Variants in NOVA1 observed in about 807,000 individuals in gnomAD.
The protein encoded by NOVA1 is RNA-binding protein Nova-1.
In NOVA1, 7 loss-of-function variants were observed where a neutral mutation model predicts 38.0. That is an observed-to-expected ratio of 0.18 (90% CI 0.10 to 0.35). The LOEUF is 0.35. Among genes scored for constraint, NOVA1 ranks in the 10% least tolerant of loss-of-function variants. The probability of loss-of-function intolerance (pLI) is 1.00; values close to 1 mark genes in which losing one functional copy is unlikely to be tolerated. For synonymous variants in NOVA1, 270 were observed against 232.5 expected, an observed-to-expected ratio of 1.16 and a Z score of -1.47; for missense variants, 460 against 616.0, an observed-to-expected ratio of 0.75 and a Z score of 2.68.
chr14:26,530,684 T>A (rs1382945767), intron 2 of NOVA1, among the ~76,000 whole-genome samples: 2 of 152,162 alleles, frequency 1.3e-5, no homozygotes, highest in African/African-American at 4.8e-5. Context: ...CTAAAAACAC[T>A]GCTTCCTATT....
At chr14:26,461,787 T>A (rs866692931) in intron 4 of NOVA1, among the ~76,000 whole-genome samples, 1,279 of 87,238 alleles carry the variant, frequency 0.015, 13 homozygotes, top group Middle Eastern at 0.069. Flanking sequence ...AAAAAAAAAA[T>A]TTGCCAGGCA....
At chr14:26,570,685 C>T (rs2138718945) in intron 2 of NOVA1, among the ~76,000 whole-genome samples, 1 of 152,176 alleles carries the variant, frequency 6.6e-6, no homozygotes, top group South Asian at 2.1e-4. Flanking sequence ...GTTCCTAAAA[C>T]AACACATAAA....
chr14:26,454,789 G>T (rs1053255413), intron 4 of NOVA1, among the ~76,000 whole-genome samples: 1 of 152,060 alleles, frequency 6.6e-6, no homozygotes. Context: ...AAGACATGTA[G>T]ATTAATTTAC....
chr14:26,507,621 T>C (rs1488609316), intron 2 of NOVA1, among the ~76,000 whole-genome samples: 6 of 152,178 alleles, frequency 3.9e-5, no homozygotes, highest in Non-Finnish European at 8.8e-5. Context: ...GTTTACTTCA[T>C]ATAAAATCAC....
chr14:26,577,331 G>C (rs926504324), intron 2 of NOVA1, among the ~76,000 whole-genome samples: 1 of 151,798 alleles, frequency 6.6e-6, no homozygotes, highest in Admixed American at 6.6e-5. Flanking sequence ...TTTCCTACAG[G>C]GTTCCCTATA....
intron 2 of NOVA1, among the ~76,000 whole-genome samples, chr14:26,494,578 C>T (rs1178678184): frequency 1.3e-5 from 2 of 152,124 alleles, no homozygotes; most frequent in South Asian, 2.1e-4. Flanking sequence ...TTTACCTTTC[C>T]TTTTCATGTA....
intron 2 of NOVA1, among the ~76,000 whole-genome samples, chr14:26,585,385 TA>T (rs1285166637): frequency 6.6e-6 from 1 of 151,328 alleles, no homozygotes; most frequent in African/African-American, 2.4e-5. Context: ...ATTAGAAAAG[TA>T]AATTGTCCAG....
intron 2 of NOVA1, among the ~76,000 whole-genome samples, chr14:26,588,634 A>G (rs1893671725): frequency 6.6e-6 from 1 of 151,568 alleles, no homozygotes; most frequent in African/African-American, 2.4e-5. Context: ...TTTACTTTGC[A>G]GTCTTAAAAT....
chr14:26,516,907 T>TTC (rs1555324558), intron 2 of NOVA1, among the ~76,000 whole-genome samples: 1 of 1,806 alleles, frequency 5.5e-4, no homozygotes, highest in Non-Finnish European at 4.0e-3. Context: ...ACTTTGCCTC[T>TTC]TTTTTTTTTT....
intron 2 of NOVA1, among the ~76,000 whole-genome samples, chr14:26,552,698 T>C (rs559096692): frequency 2.6e-4 from 40 of 152,248 alleles, no homozygotes; most frequent in African/African-American, 9.6e-4. Flanking sequence ...ATGTAAGTGA[T>C]ATAACTAACT....
intron 2 of NOVA1, chr14:26,588,281 T>C (rs1316880616): frequency 6.6e-6 from 1 of 151,046 alleles, no homozygotes; most frequent in Non-Finnish European, 1.5e-5. Context: ...CAGTAAGACA[T>C]AAAATAGGTC....
At chr14:26,584,581 C>T (rs568914074) in intron 2 of NOVA1, among the ~76,000 whole-genome samples, 1 of 151,238 alleles carries the variant, frequency 6.6e-6, no homozygotes, top group Admixed American at 6.6e-5. Flanking sequence ...TGCCTCCTAC[C>T]ACCACTGACC....
intron 2 of NOVA1, among the ~76,000 whole-genome samples, chr14:26,508,824 A>G (rs1887838763): frequency 6.6e-6 from 1 of 151,924 alleles, no homozygotes; most frequent in Non-Finnish European, 1.5e-5. Context: ...AAAAATCTTT[A>G]TATTTTAAAA....
rs542893210 is a variant in NOVA1, at chr14:26,461,683, C to T, written c.519+10637G>A. Among the ~76,000 whole-genome samples, 4 of 150,336 alleles carry T rather than the reference C, an allele frequency of 2.7e-5. No homozygotes were observed. The South Asian group carries it at 8.4e-4, about 32-fold the overall frequency. On this transcript the variant is annotated intron_variant, in intron 4 of 4. Coordinates refer to ENST00000539517, the MANE Select transcript of NOVA1 (RefSeq NM_002515.3). ...GTGGCTCATGCCTGTAATCCGAGCA[C>T]TTTGGGAGGCTGAGGCGGGCAGATC...
intron 2 of NOVA1, among the ~76,000 whole-genome samples, chr14:26,486,014 T>C (rs576420208): frequency 1.5e-4 from 23 of 152,116 alleles, no homozygotes; most frequent in African/African-American, 4.3e-4. Context: ...TAAAACAACA[T>C]GATATACAGA....
chr14:26,583,878 A>G (rs1893364053), intron 2 of NOVA1, among the ~76,000 whole-genome samples: 1 of 75,466 alleles, frequency 1.3e-5, no homozygotes, highest in Admixed American at 1.8e-4. Flanking sequence ...AACAGCATCA[A>G]ATTCACACAC....
chr14:26,472,259 C>G (rs1325417741), intron 4 of NOVA1, 61 bp downstream of exon 4: 1 of 975,850 alleles, frequency 1.0e-6, no homozygotes, highest in East Asian at 2.4e-5. Flanking sequence ...TTATCTTTTT[C>G]TCCAGTTTGC....
At chr14:26,471,406 A>G (rs1325363480) in intron 4 of NOVA1, among the ~76,000 whole-genome samples, 1 of 151,852 alleles carries the variant, frequency 6.6e-6, no homozygotes, top group Non-Finnish European at 1.5e-5. Context: ...TTAAACAGAT[A>G]AGCTTATATT....
intron 2 of NOVA1, among the ~76,000 whole-genome samples, chr14:26,555,490 T>C (rs907625313): frequency 1.1e-4 from 16 of 152,122 alleles, no homozygotes; most frequent in African/African-American, 3.6e-4. Context: ...ATTTTATCAG[T>C]CATTCCTTCT....
Sources: allele counts gnomAD v4.1 joint callset (sites outside exome capture counted in the v4.1 genomes callset), GRCh38; gene constraint gnomAD v4.1.1; transcripts MANE v1.5; gene names NCBI Gene and HGNC (gene_info 2026-07-23, HGNC 2026-07-21).